The following PTPRU variants were observed in gnomAD, a reference collection of about 807,000 sequenced individuals.
PTPRU encodes the protein protein tyrosine phosphatase receptor type U.
In PTPRU, 69 loss-of-function variants were observed where a neutral mutation model predicts 166.3. That is an observed-to-expected ratio of 0.41 (90% CI 0.34 to 0.51). PTPRU has a LOEUF of 0.51. Among genes scored for constraint, PTPRU ranks in the 20% least tolerant of loss-of-function variants. The probability of loss-of-function intolerance (pLI) is 0.09; values close to 1 mark genes in which losing one functional copy is unlikely to be tolerated. For missense variants in PTPRU, 1,657 were observed against 2,013.7 expected, an observed-to-expected ratio of 0.82 and a Z score of 3.39; for synonymous variants, 793 against 814.0, an observed-to-expected ratio of 0.97 and a Z score of 0.44.
chr1:29,258,410 C>T lies in PTPRU; in HGVS notation c.206-95C>T, dbSNP rs75970952. 2,357 of 1,388,216 alleles carry T rather than the reference C, an allele frequency of 1.7e-3. 34 individuals carry two copies. The African/African-American group carries it at 0.03, about 18-fold the overall frequency. 86.0% of individuals were successfully genotyped at this position (1,388,216 alleles called of 1,614,324 possible). A position where few individuals can be genotyped will look rare whatever the true frequency, so the allele number is the denominator to read the frequency against. ...AGAATCCCTGACTCCTGGTGGGTCC[C>T]GTTGCCTGGAGTCCTCCTCAGTGCT... On this transcript the variant is annotated intron_variant, in intron 2 of 29. Transcript: ENST00000373779.
At chr1:29,293,635 C>T (rs567808129) in intron 15 of PTPRU, among the ~76,000 whole-genome samples, 67 of 152,142 alleles carry the variant, frequency 4.4e-4, no homozygotes, top group African/African-American at 9.1e-4. Context: ...CCACTGCGCC[C>T]GGCTAATTTT....
At chr1:29,288,822 C>A (rs1686484608) in intron 14 of PTPRU, among the ~76,000 whole-genome samples, 2 of 152,274 alleles carry the variant, frequency 1.3e-5, no homozygotes, top group South Asian at 4.1e-4. Context: ...CCCAGAGAGG[C>A]CCAGGTAGCC....
chr1:29,272,920 A>AAAG (rs1557434801), intron 7 of PTPRU, among the ~76,000 whole-genome samples: 1 of 146,866 alleles, frequency 6.8e-6, no homozygotes. Context: ...AAAAAAAAAA[A>AAAG]AAAAAAAGAA....
intron 14 of PTPRU, among the ~76,000 whole-genome samples, chr1:29,288,046 C>T (rs772720664): frequency 7.9e-5 from 12 of 152,164 alleles, no homozygotes; most frequent in Non-Finnish European, 1.6e-4. Flanking sequence ...AACTCCCGAC[C>T]TCAGGTGATC....
intron 1 of PTPRU, among the ~76,000 whole-genome samples, chr1:29,245,763 ATTCTCCTGGG>A (rs1684268879): frequency 6.6e-6 from 1 of 152,120 alleles, no homozygotes; most frequent in Non-Finnish European, 1.5e-5. Flanking sequence ...GGGAAGGTGA[ATTCTCCTGGG>A]TTTCTGGGCG....
chr1:29,270,275 T>G (rs958829673), intron 7 of PTPRU, among the ~76,000 whole-genome samples: 1 of 152,138 alleles, frequency 6.6e-6, no homozygotes. Flanking sequence ...TCACATTTGC[T>G]CTTTAAAGTA....
At chr1:29,264,131 G>A (rs912471278) in intron 7 of PTPRU, among the ~76,000 whole-genome samples, 22 of 151,440 alleles carry the variant, frequency 1.5e-4, no homozygotes, top group Admixed American at 2.0e-4. Flanking sequence ...CTGAGATGGT[G>A]CCACTGCACT....
intron 7 of PTPRU, among the ~76,000 whole-genome samples, chr1:29,262,636 A>G (rs926069184): frequency 3.3e-5 from 5 of 152,190 alleles, no homozygotes; most frequent in Non-Finnish European, 5.9e-5. Flanking sequence ...TAGTTTATCT[A>G]GGGTTCGGAA....
chr1:29,325,724 G>A lies in PTPRU; in HGVS notation c.*63G>A. Reference sequence around the variant, plus strand: ...GCCAGACCCACCATCCTGGACTGGCGAGGAAGATCAGTGCCTCCTGCTCTG... The same window carrying A: ...GCCAGACCCACCATCCTGGACTGGCAAGGAAGATCAGTGCCTCCTGCTCTG... On this transcript the variant is annotated 3_prime_UTR_variant, in exon 30 of 30. Transcript: ENST00000373779. 1.4e-6 allele frequency: 2 copies of A among 1,462,444 alleles called. No homozygotes were observed. The highest frequency in any genetic ancestry group is 2.0e-5 in the Admixed American group (1 of 50,298). The allele number at this position is 1,462,444 out of a possible 1,614,324, so 90.6% of individuals were successfully genotyped here.
Position 29,271,965 on chromosome 1 carries a change from C to T in PTPRU, c.1145-3483C>T, listed in dbSNP as rs1000130680. ...TAGTGCAAATAAAGCAGTGGTACCT[C>T]GGCTCTTGTAGACTCCCAGGACAGT... On this transcript the variant is annotated intron_variant, in intron 7 of 29. Coordinates refer to ENST00000373779, the MANE Select transcript of PTPRU (RefSeq NM_133178.4). This position sits in a 1 kb window ranked among gnomAD's most constrained non-coding sequence, Gnocchi z 4.4. Among the ~76,000 whole-genome samples, 2 of 152,078 alleles carry T rather than the reference C, an allele frequency of 1.3e-5. No homozygotes were observed. The highest frequency in any genetic ancestry group is 2.4e-5 in the African/African-American group (1 of 41,400).
intron 7 of PTPRU, among the ~76,000 whole-genome samples, chr1:29,273,820 A>G (rs952384333): frequency 6.6e-5 from 10 of 152,154 alleles, no homozygotes; most frequent in African/African-American, 2.2e-4. Context: ...CTGAGGCATC[A>G]GTGAATTCCT....
At chr1:29,300,052 C>T (rs908869827) in intron 15 of PTPRU, among the ~76,000 whole-genome samples, 2 of 152,182 alleles carry the variant, frequency 1.3e-5, no homozygotes, top group African/African-American at 2.4e-5. Context: ...GTGCCAGGCA[C>T]GGGGCTGGGT....
At position 29,311,756 on chromosome 1, in the gene PTPRU, G is replaced by C; in HGVS notation, c.3069G>C (p.Glu1023Asp). Residue 1023 changes from glutamate to aspartate, a missense_variant, in exon 21 of 30, where the codon GAG becomes GAC. This residue lies in a region of PTPRU where 1,190 missense variants were observed against 1,477.4 expected (regional missense o/e 0.81). Coordinates refer to ENST00000373779, the MANE Select transcript of PTPRU (RefSeq NM_133178.4). The surrounding 1 kb of genome is among the most constrained non-coding windows in gnomAD (Gnocchi z 4.1). ...AEYVVRTFAL[E>D]RRGYSARHEV... Reference sequence around the variant, plus strand: ...ATGTCGTGCGCACTTTTGCCCTGGAGCGGGTGAGTCTCCCCACCGCCTGTT... The same window carrying C: ...ATGTCGTGCGCACTTTTGCCCTGGACCGGGTGAGTCTCCCCACCGCCTGTT... 6.2e-7 allele frequency: 1 copy of C among 1,613,672 alleles called. No homozygotes were observed. Among genetic ancestry groups the C allele is most frequent in the Non-Finnish European group, 8.5e-7 (1 of 1,179,668 alleles).
intron 1 of PTPRU, among the ~76,000 whole-genome samples, chr1:29,254,390 C>A (rs1049280075): frequency 3.9e-5 from 6 of 152,218 alleles, no homozygotes; most frequent in African/African-American, 1.2e-4. Flanking sequence ...GTATTTCAAT[C>A]CTCACTTCCT....
At position 29,320,764 on chromosome 1, in the gene PTPRU, A is replaced by G. The variant is rs764231520; in HGVS notation, c.3767A>G (p.Tyr1256Cys). The G allele has an allele frequency of 1.2e-6, 2 of 1,608,654 alleles. No homozygotes were observed. Among genetic ancestry groups the G allele is most frequent in the Non-Finnish European group, 8.5e-7 (1 of 1,175,824 alleles). ...ACGCCCGACTTCTGGCGGCTGGTCT[A>G]CGATTACGGGTGCACCTCCATCGTC... is the stretch of plus-strand genomic sequence containing the variant. Reference protein sequence around the residue: ...STTPDFWRLVYDYGCTSIVML... With the variant: ...STTPDFWRLVCDYGCTSIVML... Residue 1256 changes from tyrosine (Y) to cysteine (C), a missense_variant, in exon 26 of 30, where the codon TAC becomes TGC. This residue lies in a region of PTPRU where 1,190 missense variants were observed against 1,477.4 expected (regional missense o/e 0.81). Coordinates refer to ENST00000373779, the MANE Select transcript of PTPRU (RefSeq NM_133178.4). This position sits in a 1 kb window ranked among gnomAD's most constrained non-coding sequence, Gnocchi z 5.2.
chr1:29,259,999 C>T lies in PTPRU; in HGVS notation c.805C>T (p.Pro269Ser). The T allele has an allele frequency of 6.7e-7, 1 of 1,502,296 alleles. No homozygotes were observed. The highest frequency in any genetic ancestry group is 8.8e-7 in the Non-Finnish European group (1 of 1,134,460). 93.1% of individuals were successfully genotyped at this position (1,502,296 alleles called of 1,614,324 possible). ...QDLYRCVSQA[P>S]RGAGVSNFAE... ...CCTGTACCGCTGTGTGTCCCAGGCC[C>T]CGCGCGGCGCGGGCGTCTCTAACTT... The change falls in exon 6 of 30, where the codon CCG becomes TCG. Residue 269 changes from proline to serine, a missense_variant. By Grantham distance (74) the Pro-to-Ser change is moderately conservative. Transcript: ENST00000373779.
chr1:29,246,818 G>T (rs1315829955), intron 1 of PTPRU, among the ~76,000 whole-genome samples: 1 of 152,112 alleles, frequency 6.6e-6, no homozygotes, highest in Non-Finnish European at 1.5e-5. Context: ...GTTTCACCAT[G>T]TTGGCCAGGC....
intron 19 of PTPRU, 67 bp downstream of exon 19, chr1:29,310,847 TTGCCTTTC>T: frequency 6.5e-7 from 1 of 1,548,010 alleles, no homozygotes; most frequent in Admixed American, 1.7e-5. Context: ...TGCCCTCAGC[TTGCCTTTC>T]TGCCTCCCCT....
At chr1:29,249,193 C>T (rs557557898) in intron 1 of PTPRU, among the ~76,000 whole-genome samples, 52 of 152,332 alleles carry the variant, frequency 3.4e-4, no homozygotes, top group East Asian at 5.8e-4. Context: ...CACACTCACA[C>T]GCACACCTGC....
Sources: allele counts gnomAD v4.1 joint callset (sites outside exome capture counted in the v4.1 genomes callset), GRCh38; gene constraint gnomAD v4.1.1; regional missense constraint gnomAD v4.1.1; non-coding constraint Gnocchi (gnomAD v3.1); transcripts MANE v1.5; gene names NCBI Gene and HGNC (gene_info 2026-07-23, HGNC 2026-07-21).